Variants in ZNF875 observed in about 807,000 individuals in gnomAD.
ZNF875 encodes zinc finger protein 875, also known as HKR1, GLI-Kruppel zinc finger family member.
Under a neutral mutation model 11.2 loss-of-function variants are expected in ZNF875, and 14 were observed. That is an observed-to-expected ratio of 1.26 (90% CI 0.83 to 1.96). The LOEUF (loss-of-function observed/expected upper bound fraction) is 1.96. Among genes scored for constraint, ZNF875 ranks in the 30% most tolerant of loss-of-function variants. ZNF875 has a pLI of 0.00. For synonymous variants in ZNF875, 301 were observed against 281.1 expected (o/e 1.07, Z -0.71); for missense variants, 752 against 760.4 (o/e 0.99, Z 0.13).
At chr19:37,338,246 C>T (rs2034925959) in intron 2 of ZNF875, among the ~76,000 whole-genome samples, 1 of 152,160 alleles carries the variant, frequency 6.6e-6, no homozygotes, top group African/African-American at 2.4e-5. Context: ...CCTCAGCCTC[C>T]CGAGTAGCTG....
At chr19:37,358,419 G>A (rs8107311) in intron 4 of ZNF875, 5,140 of 153,144 alleles carry the variant, frequency 0.034, 275 homozygotes, top group African/African-American at 0.12. Flanking sequence ...ACAAGCATGA[G>A]CCACCACACC....
chr19:37,340,065 C>T (rs980819017), intron 2 of ZNF875, among the ~76,000 whole-genome samples: 3 of 152,020 alleles, frequency 2.0e-5, no homozygotes, highest in Non-Finnish European at 4.4e-5. Flanking sequence ...TCACTGCAAC[C>T]TCCGCCTCCC....
chr19:37,336,691 G>A (rs1239025141), intron 2 of ZNF875, among the ~76,000 whole-genome samples: 4 of 149,794 alleles, frequency 2.7e-5, no homozygotes, highest in South Asian at 2.1e-4. Flanking sequence ...GGCGAATCAC[G>A]AGGTCAGGAG....
intron 4 of ZNF875, among the ~76,000 whole-genome samples, chr19:37,352,825 C>T (rs2038154143): frequency 6.7e-6 from 1 of 150,368 alleles, no homozygotes; most frequent in Non-Finnish European, 1.5e-5. Context: ...TTTTCTTTAG[C>T]CTACTTTTGT....
intron 2 of ZNF875, among the ~76,000 whole-genome samples, chr19:37,337,976 T>C (rs972174397): frequency 6.6e-6 from 1 of 152,222 alleles, no homozygotes; most frequent in Non-Finnish European, 1.5e-5. Flanking sequence ...GTGGGGATTA[T>C]GCATTCCTGG....
In ZNF875 at chr19:37,342,243, CAT is replaced by C. The variant is rs572529482; in HGVS notation, c.34-4946_34-4945del. Among the ~76,000 whole-genome samples the C allele has an allele frequency of 1.3e-3, 194 of 152,232 alleles. 1 individual carries two copies. The highest frequency in any genetic ancestry group is 1.8e-3 in the African/African-American group (73 of 41,542). On this transcript the variant is annotated intron_variant, in intron 2 of 4. Coordinates refer to ENST00000392153, the MANE Select transcript of ZNF875 (RefSeq NM_001353803.2). ...CTGAGTTTATTTTTTTATTTTGAGA[CAT>C]GTGCTGGCTGGAGAGACTGAAGATG...
intron 4 of ZNF875, among the ~76,000 whole-genome samples, chr19:37,359,958 A>G (rs775563188): frequency 3.1e-4 from 47 of 152,182 alleles, no homozygotes; most frequent in Non-Finnish European, 6.3e-4. Flanking sequence ...CAATTTTTAA[A>G]ATGGGTTGTG....
At chr19:37,336,491 G>A (rs2034451578) in intron 2 of ZNF875, among the ~76,000 whole-genome samples, 1 of 150,522 alleles carries the variant, frequency 6.6e-6, no homozygotes, top group Non-Finnish European at 1.5e-5. Context: ...AGTAGAGACG[G>A]GGTTTCACCG....
intron 2 of ZNF875, among the ~76,000 whole-genome samples, chr19:37,341,044 C>G (rs1276166283): frequency 6.6e-6 from 1 of 152,116 alleles, no homozygotes; most frequent in Non-Finnish European, 1.5e-5. Context: ...GTTTCCTTTC[C>G]CATTTAATGA....
chr19:37,346,152 G>T (rs2036715641), intron 2 of ZNF875: 1 of 152,194 alleles, frequency 6.6e-6, no homozygotes, highest in Non-Finnish European at 1.5e-5. Context: ...AAGCAGGAGA[G>T]GGGAATGAAA....
chr19:37,363,557 T>G lies in ZNF875; in HGVS notation c.1705T>G (p.Phe569Val). 6.2e-7 allele frequency: 1 copy of G among 1,613,012 alleles called. No individual in the cohort carries two copies. Among genetic ancestry groups the G allele is most frequent in the Non-Finnish European group, 8.5e-7 (1 of 1,179,414 alleles). The change falls in exon 5 of 5, where the codon TTT (phenylalanine) becomes GTT (valine). Residue 569 changes from phenylalanine to valine, a missense_variant. Phe to Val is a conservative substitution (Grantham distance 50, BLOSUM62 -1). Transcript: ENST00000392153. Reference sequence around the variant, plus strand: ...TGTGTGCAGGGAGTGTGGGCAAGGCTTTTGTGCTAAGTTAACTCTCATTAA... The same window carrying G: ...TGTGTGCAGGGAGTGTGGGCAAGGCGTTTGTGCTAAGTTAACTCTCATTAA... ...AFVCRECGQG[F>V]CAKLTLIKHQ...
At chr19:37,333,962 C>T (rs1292798035), upstream of ZNF875, among the ~76,000 whole-genome samples, 2 of 152,124 alleles carry the variant, frequency 1.3e-5, no homozygotes, top group Non-Finnish European at 2.9e-5. Flanking sequence ...ACCTGTACCC[C>T]AGCCTCCAAT....
upstream of ZNF875, among the ~76,000 whole-genome samples, chr19:37,332,497 G>A (rs763483932): frequency 1.1e-4 from 16 of 152,146 alleles, no homozygotes; most frequent in Admixed American, 4.6e-4. Context: ...GATTACAGGC[G>A]TGAGCCACCA....
intron 4 of ZNF875, among the ~76,000 whole-genome samples, chr19:37,351,084 G>A (rs189883348): frequency 1.1e-3 from 160 of 152,138 alleles, no homozygotes; most frequent in Middle Eastern, 3.4e-3. Context: ...GATTACAGGC[G>A]TGAACCACTT....
At chr19:37,325,879 T>C (rs1435619355) in intron 4 of ZNF875, among the ~76,000 whole-genome samples, 1 of 152,158 alleles carries the variant, frequency 6.6e-6, no homozygotes, top group Non-Finnish European at 1.5e-5. Context: ...GAATAATTTT[T>C]GTATTTTTTT....
intron 4 of ZNF875, chr19:37,357,859 C>T (rs2039178786): frequency 5.0e-6 from 2 of 397,172 alleles, no homozygotes; most frequent in Admixed American, 8.8e-5. Flanking sequence ...ATTTGGATGC[C>T]TTTTATTTCT....
At chr19:37,339,505 A>G (rs1017398583) in intron 2 of ZNF875, among the ~76,000 whole-genome samples, 4 of 149,318 alleles carry the variant, frequency 2.7e-5, no homozygotes, top group African/African-American at 9.9e-5. Flanking sequence ...GTTTTGAAGC[A>G]TTGGGCACCC....
At chr19:37,355,173 TTTTGTTTTTGTC>T (rs2038676472) in intron 4 of ZNF875, among the ~76,000 whole-genome samples, 1 of 152,120 alleles carries the variant, frequency 6.6e-6, no homozygotes, top group South Asian at 2.1e-4. Context: ...TATGTGTTTG[TTTTGTTTTTGTC>T]TTTGTTTTTG....
chr19:37,362,072 A>G lies in ZNF875; in HGVS notation c.257-37A>G, dbSNP rs564254965. 418 of 1,494,698 alleles carry G rather than the reference A, an allele frequency of 2.8e-4. 4 individuals are homozygous for G. The South Asian group carries it at 4.7e-3, about 17-fold the overall frequency. The allele number at this position is 1,494,698 out of a possible 1,614,324, so 92.6% of individuals were successfully genotyped here. ...AAGGCAAAATTGCCTACACAGCCCT[A>G]CCTATGGCCCCTCTGAAAATGTTCT... is the stretch of plus-strand genomic sequence containing the variant. On this transcript the variant is annotated intron_variant, in intron 4 of 4. Transcript: ENST00000392153.
Sources: gnomAD v4.1 joint callset for allele counts (sites outside exome capture counted in the v4.1 genomes callset) on GRCh38, gnomAD v4.1.1 for gene constraint, MANE v1.5 for transcripts, NCBI Gene and HGNC (gene_info 2026-07-23, HGNC 2026-07-21) for gene names.